The following NR1I2 variants were observed in gnomAD, a reference collection of about 807,000 sequenced individuals.
NR1I2 encodes the protein orphan nuclear receptor PAR1.
A neutral mutation model predicts 43.3 loss-of-function variants in NR1I2; 42 were observed. That is an observed-to-expected ratio of 0.97 (90% CI 0.76 to 1.26). The LOEUF (loss-of-function observed/expected upper bound fraction) is 1.26, where lower values mean the gene tolerates loss of function less well. NR1I2 is among the 50% of genes most tolerant of loss of function. The pLI is 0.00. For synonymous variants in NR1I2, 229 were observed against 215.0 expected (o/e 1.06, Z -0.57); for missense variants, 559 against 566.7 (o/e 0.99, Z 0.14).
intron 6 of NR1I2, 33 bp from the exon 7 acceptor site, chr3:119,815,290 G>A: frequency 6.3e-7 from 1 of 1,585,150 alleles, no homozygotes; most frequent in Non-Finnish European, 8.7e-7. Flanking sequence ...AGCTTGCTGA[G>A]AAGCTGCCCC....
At chr3:119,790,397 G>A (rs894420932) in intron 1 of NR1I2, among the ~76,000 whole-genome samples, 10 of 152,164 alleles carry the variant, frequency 6.6e-5, no homozygotes, top group Admixed American at 1.3e-4. Context: ...TCAAGACCCC[G>A]ATTTCAGTTC....
intron 1 of NR1I2, among the ~76,000 whole-genome samples, chr3:119,791,140 C>G (rs1283106229): frequency 2.0e-5 from 3 of 152,256 alleles, no homozygotes; most frequent in African/African-American, 4.8e-5. Context: ...TAACTTAGCT[C>G]TGTCTGTATG....
chr3:119,782,918 T>A, intron 1 of NR1I2: 1 of 1,325,196 alleles, frequency 7.5e-7, no homozygotes, highest in South Asian at 1.2e-5. Context: ...TGCCTGCATG[T>A]GGTCAGTGCC....
chr3:119,792,426 C>A, intron 1 of NR1I2: 1 of 1,192,124 alleles, frequency 8.4e-7, no homozygotes, highest in Non-Finnish European at 1.2e-6. Flanking sequence ...CTGGCCACTG[C>A]AGGGGACGGC....
chr3:119,812,724 GTC>G lies in NR1I2; in HGVS notation c.562_563del (p.Leu188AlafsTer57), dbSNP rs757692812. On this transcript the variant is annotated frameshift_variant, in exon 5 of 9. Transcript: ENST00000393716. LOFTEE classifies it high-confidence loss of function. ...TTAGCAGTGGCTGCGAGTTGCCAGA[GTC>G]TCTGCAGGCCCCATCGAGGGAAGAA... The G allele has an allele frequency of 1.1e-5, 18 of 1,614,084 alleles. No homozygotes were observed. Among genetic ancestry groups the G allele is most frequent in the African/African-American group, 1.3e-5 (1 of 74,942 alleles).
intron 1 of NR1I2, among the ~76,000 whole-genome samples, chr3:119,785,591 T>TAGGCTCC (rs1036217827): frequency 2.6e-5 from 4 of 152,210 alleles, no homozygotes; most frequent in African/African-American, 9.7e-5. Context: ...ATGATCTGGT[T>TAGGCTCC]AGGCTCCAGG....
chr3:119,805,716 C>CA (rs538632277), intron 1 of NR1I2, among the ~76,000 whole-genome samples: 3 of 20,632 alleles, frequency 1.5e-4, no homozygotes, highest in Middle Eastern at 0.026. Context: ...CTCCCCCCCA[C>CA]CAAAAAAAAA....
intron 7 of NR1I2, 75 bp from the exon 8 acceptor site, chr3:119,815,651 G>A: frequency 7.5e-7 from 1 of 1,335,370 alleles, no homozygotes; most frequent in Non-Finnish European, 1.1e-6. Context: ...TGGTTGGCGA[G>A]CAATGCCCTG....
Position 119,818,129 on chromosome 3 carries a change from T to A in NR1I2, c.*917T>A, listed in dbSNP as rs1345320551. ...GGCACAAACTGCAGCTGTGAGTGCG[T>A]GTGTGTGATTTGGTGTAGGTAGGTC... On this transcript the variant is annotated 3_prime_UTR_variant, in exon 9 of 9. Coordinates refer to ENST00000393716, the MANE Select transcript of NR1I2 (RefSeq NM_003889.4). 3.2e-5 allele frequency: 32 copies of A among 985,506 alleles called. No individual in the cohort carries two copies. The highest frequency in any genetic ancestry group is 3.6e-5 in the Non-Finnish European group (30 of 830,006). 61.0% of individuals were successfully genotyped at this position (985,506 alleles called of 1,614,324 possible). A position where few individuals can be genotyped will look rare whatever the true frequency, so the allele number is the denominator to read the frequency against.
At position 119,807,246 on chromosome 3, in the gene NR1I2, C is replaced by A. The variant is rs867583249; in HGVS notation, c.-5C>A. On this transcript the variant is annotated 5_prime_UTR_variant, in exon 2 of 9. Transcript: ENST00000393716. ...ATTTCTAGTCCAAGAGGCCCAGAAG[C>A]AAACCTGGAGGTGAGACCCAAAGAA... 2 of 1,614,022 alleles carry A rather than the reference C, an allele frequency of 1.2e-6. No homozygotes were observed. Among genetic ancestry groups the A allele is most frequent in the Non-Finnish European group, 1.7e-6 (2 of 1,180,008 alleles).
At chr3:119,798,776 A>G (rs2055036169) in intron 1 of NR1I2, among the ~76,000 whole-genome samples, 2 of 152,218 alleles carry the variant, frequency 1.3e-5, no homozygotes, top group South Asian at 4.1e-4. Flanking sequence ...GACATTTAAT[A>G]TAAGCGGAAC....
At chr3:119,809,959 C>A in intron 2 of NR1I2, 102 bp from the exon 3 acceptor site, 1 of 1,482,140 alleles carries the variant, frequency 6.7e-7, no homozygotes, top group South Asian at 1.2e-5. Context: ...TCCCCCTCCC[C>A]GAGTCGGTAG....
chr3:119,796,868 C>G (rs2055007579), intron 1 of NR1I2, among the ~76,000 whole-genome samples: 1 of 152,232 alleles, frequency 6.6e-6, no homozygotes, highest in South Asian at 2.1e-4. Context: ...GTCAGCCTCT[C>G]TCAGCAGCTT....
chr3:119,816,001 A>G (rs1048681794), intron 8 of NR1I2, among the ~76,000 whole-genome samples, 170 bp downstream of exon 8: 1 of 152,212 alleles, frequency 6.6e-6, no homozygotes. Flanking sequence ...CAGGAAAAAC[A>G]CAAGCAAACA....
At chr3:119,797,764 AACT>A (rs2107958084) in intron 1 of NR1I2, among the ~76,000 whole-genome samples, 1 of 152,326 alleles carries the variant, frequency 6.6e-6, no homozygotes, top group East Asian at 1.9e-4. Flanking sequence ...TTGCCAGGAT[AACT>A]TTCTTTGGTA....
chr3:119,806,212 G>C (rs2055158691), intron 1 of NR1I2, among the ~76,000 whole-genome samples: 1 of 152,194 alleles, frequency 6.6e-6, no homozygotes, highest in Admixed American at 6.5e-5. Context: ...CTCAGTGTCT[G>C]TTCCAAGTAG....
intron 1 of NR1I2, among the ~76,000 whole-genome samples, chr3:119,784,346 C>T (rs1279493354): frequency 1.3e-5 from 2 of 152,164 alleles, no homozygotes; most frequent in Non-Finnish European, 2.9e-5. Flanking sequence ...CCCCTCTTGG[C>T]CATTGTATTT....
At chr3:119,787,286 CAAA>C (rs752168255) in intron 1 of NR1I2, among the ~76,000 whole-genome samples, 3 of 110,376 alleles carry the variant, frequency 2.7e-5, no homozygotes, top group Admixed American at 9.3e-5. Flanking sequence ...AGACTGCCTC[CAAA>C]AAAAAAAAAA....
chr3:119,809,862 C>A (rs576753223), intron 2 of NR1I2, among the ~76,000 whole-genome samples, 199 bp from the exon 3 acceptor site: 2 of 152,264 alleles, frequency 1.3e-5, no homozygotes, highest in Admixed American at 6.5e-5. Context: ...CCGGCTCTGC[C>A]CCCTCTAGCT....
Sources: allele counts gnomAD v4.1 joint callset (sites outside exome capture counted in the v4.1 genomes callset), GRCh38; gene constraint gnomAD v4.1.1; transcripts MANE v1.5; gene names NCBI Gene and HGNC (gene_info 2026-07-23, HGNC 2026-07-21).